NALCN: variants seen among roughly 807,000 people sequenced by gnomAD.
NALCN encodes sodium leak channel, non-selective, also known as sodium leak channel NALCN.
Under a neutral mutation model 225.3 loss-of-function variants are expected in NALCN, and 111 were observed. The observed-to-expected ratio is 0.49, with a 90% confidence interval of 0.42 to 0.58. The LOEUF is 0.58. NALCN is among the 20% of genes least tolerant of loss of function. The pLI, the probability that NALCN is intolerant of heterozygous loss-of-function variation, is 0.00. For synonymous variants in NALCN, 764 were observed against 769.0 expected (o/e 0.99, Z 0.11); for missense variants, 1,378 against 2,202.4 (o/e 0.63, Z 7.49).
rs72275676 is a variant in NALCN, at chr13:101,075,453, C to CA, written c.3954+419dup. On this transcript the variant is annotated intron_variant, in intron 35 of 43. Transcript: ENST00000251127. ...CTGGTGACAGAGCAAGACTCCATCT[C>CA]AAAAAAAAAAAAAAAAAAAAAATCT... Among the ~76,000 whole-genome samples, 368 of 103,534 alleles carry CA rather than the reference C, an allele frequency of 3.6e-3. 6 individuals are homozygous for CA. The highest frequency in any genetic ancestry group is 0.011 in the Middle Eastern group (2 of 180). The allele number at this position is 103,534 out of a possible 152,430, so 67.9% of individuals were successfully genotyped here.
intron 18 of NALCN, chr13:101,116,536 C>A (rs780764042): frequency 7.7e-6 from 4 of 516,192 alleles, no homozygotes; most frequent in African/African-American, 7.7e-5. Context: ...TCTTCTTTGT[C>A]TCCATGTCTT....
chr13:101,322,911 C>T (rs1008301316), intron 7 of NALCN, among the ~76,000 whole-genome samples: 1 of 152,022 alleles, frequency 6.6e-6, no homozygotes, highest in Non-Finnish European at 1.5e-5. Context: ...AGGGTTTCAC[C>T]ATGTTGGCCA....
At chr13:101,291,825 C>T (rs2139047576) in intron 9 of NALCN, among the ~76,000 whole-genome samples, 165 bp downstream of exon 9, 1 of 152,268 alleles carries the variant, frequency 6.6e-6, no homozygotes, top group Non-Finnish European at 1.5e-5. Flanking sequence ...GCTGGAATTA[C>T]AAGCATGAGC....
intron 7 of NALCN, among the ~76,000 whole-genome samples, chr13:101,333,880 T>C (rs948318399): frequency 1.8e-4 from 27 of 152,172 alleles, no homozygotes. Context: ...CACGTGAGTA[T>C]CTGGCTTAAC....
chr13:101,179,169 A>G (rs886427081), intron 14 of NALCN, among the ~76,000 whole-genome samples: 1 of 152,186 alleles, frequency 6.6e-6, no homozygotes, highest in Admixed American at 6.5e-5. Flanking sequence ...CATAGAAGAG[A>G]GCACTGTGCT....
intron 6 of NALCN, among the ~76,000 whole-genome samples, chr13:101,346,429 C>T (rs968894939): frequency 1.3e-5 from 2 of 152,054 alleles, no homozygotes; most frequent in African/African-American, 4.8e-5. Context: ...AGCAATGTTG[C>T]ATGATGAAAA....
At chr13:101,242,779 G>A (rs9518358) in intron 11 of NALCN, among the ~76,000 whole-genome samples, 86,682 of 104,000 alleles carry the variant, frequency 0.83, 41,654 homozygotes, top group Non-Finnish European at 0.99. Context: ...TAGTCCTTTT[G>A]TATATAAAAT....
At chr13:101,235,163 A>G (rs1254485563) in intron 12 of NALCN, among the ~76,000 whole-genome samples, 1 of 152,050 alleles carries the variant, frequency 6.6e-6, no homozygotes, top group Non-Finnish European at 1.5e-5. Flanking sequence ...TAAAAAACTC[A>G]TCACAATTAT....
At chr13:101,297,920 A>C (rs4772365) in intron 7 of NALCN, among the ~76,000 whole-genome samples, 11,912 of 152,236 alleles carry the variant, frequency 0.078, 590 homozygotes, top group East Asian at 0.12. Flanking sequence ...CTGATCAGAC[A>C]TCACCCTTTT....
In NALCN at chr13:101,075,965, T is replaced by G. The variant is rs576680427; in HGVS notation, c.3886-24A>C. On this transcript the variant is annotated intron_variant, in intron 34 of 43. Transcript: ENST00000251127. ...TTCTGAAATTTAAACAGAAGACAGC[T>G]TCTCATAATTTGCACAAAAGATCTT... 3 of 1,597,980 alleles carry G rather than the reference T, an allele frequency of 1.9e-6. No individual in the cohort carries two copies. In the African/African-American group the frequency reaches 4.0e-5, roughly 22 times the overall value.
intron 13 of NALCN, among the ~76,000 whole-genome samples, chr13:101,219,890 T>A (rs2040872216): frequency 6.6e-6 from 1 of 152,180 alleles, no homozygotes; most frequent in Non-Finnish European, 1.5e-5. Context: ...AGCTTCAAAG[T>A]CTTACTATGT....
At chr13:101,179,099 C>T (rs942457156) in intron 14 of NALCN, among the ~76,000 whole-genome samples, 8 of 152,124 alleles carry the variant, frequency 5.3e-5, no homozygotes, top group Non-Finnish European at 1.2e-4. Context: ...ACTGCCTGGT[C>T]TGATACATAA....
intron 14 of NALCN, among the ~76,000 whole-genome samples, chr13:101,185,409 T>TA (rs2039408753): frequency 1.3e-5 from 2 of 152,222 alleles, no homozygotes; most frequent in South Asian, 4.1e-4. Context: ...TTCTTTTCAG[T>TA]ATTCACATCA....
At chr13:101,199,834 C>A (rs1006603066) in intron 13 of NALCN, among the ~76,000 whole-genome samples, 1 of 151,906 alleles carries the variant, frequency 6.6e-6, no homozygotes. Context: ...AGGGATGCTC[C>A]GGGTGAAAAC....
chr13:101,324,250 A>G (rs2044860843), intron 7 of NALCN, among the ~76,000 whole-genome samples: 2 of 152,224 alleles, frequency 1.3e-5, no homozygotes, highest in African/African-American at 4.8e-5. Flanking sequence ...AACTCATACT[A>G]CTGTGCAACA....
intron 7 of NALCN, among the ~76,000 whole-genome samples, chr13:101,324,370 G>C (rs1189004790): frequency 6.6e-6 from 1 of 152,134 alleles, no homozygotes; most frequent in Non-Finnish European, 1.5e-5. Flanking sequence ...TGTAACACCA[G>C]AATTTAAAAT....
intron 10 of NALCN, among the ~76,000 whole-genome samples, chr13:101,262,287 A>T (rs901123394): frequency 2.0e-5 from 3 of 152,144 alleles, no homozygotes; most frequent in African/African-American, 7.2e-5. Flanking sequence ...TATATTACTC[A>T]CATTTCACAC....
chr13:101,361,231 T>C (rs1169598230), intron 6 of NALCN, among the ~76,000 whole-genome samples: 1 of 152,174 alleles, frequency 6.6e-6, no homozygotes, highest in Admixed American at 6.6e-5. Flanking sequence ...ACCAAGCTGG[T>C]TGGGTGGAAC....
At chr13:101,400,389 A>G (rs546102845) in intron 1 of NALCN, among the ~76,000 whole-genome samples, 2 of 152,244 alleles carry the variant, frequency 1.3e-5, no homozygotes, top group East Asian at 3.9e-4. Flanking sequence ...CAGGCAAAAA[A>G]AAGAGGCTGA....
Sources: gnomAD v4.1 joint callset for allele counts (sites outside exome capture counted in the v4.1 genomes callset) on GRCh38, gnomAD v4.1.1 for gene constraint, MANE v1.5 for transcripts, NCBI Gene and HGNC (gene_info 2026-07-23, HGNC 2026-07-21) for gene names.